TNS1: variants seen among roughly 807,000 people sequenced by gnomAD.
TNS1 encodes tensin 1, also known as tensin-1.
In TNS1, 62 loss-of-function variants were observed where a neutral mutation model predicts 168.6. That is an observed-to-expected ratio of 0.37 (90% CI 0.30 to 0.45). TNS1 has a LOEUF of 0.45. TNS1 is among the 20% of genes least tolerant of loss of function. The probability of loss-of-function intolerance (pLI) is 1.00; values close to 1 mark genes in which losing one functional copy is unlikely to be tolerated. For missense variants in TNS1, 2,240 were observed against 2,339.4 expected (o/e 0.96, Z 0.88); for synonymous variants, 934 against 933.2 (o/e 1.00, Z -0.02).
intron 28 of TNS1, among the ~76,000 whole-genome samples, chr2:217,811,971 T>A (rs1387290994): frequency 6.6e-6 from 1 of 152,096 alleles, no homozygotes; most frequent in Non-Finnish European, 1.5e-5. Context: ...CTCCTCTCCA[T>A]CCAGACCAAC....
rs1958909752 is a variant in TNS1 at position 218,032,973 on chromosome 2, TC to T, written c.156+846del. On this transcript the variant is annotated intron_variant, in intron 1 of 1. Coordinates refer to the TNS1 transcript ENST00000649572. This position sits in a 1 kb window ranked among gnomAD's most constrained non-coding sequence, Gnocchi z 4.0. ...CATCCACCTCCAGAGCCCCGGCTCCTCCCTCCATCACAGCCCCACTCCCTGT... is the reference window on the plus strand; with the variant it reads ...CATCCACCTCCAGAGCCCCGGCTCCTCCTCCATCACAGCCCCACTCCCTGT... Among the ~76,000 whole-genome samples, 1 of 151,944 alleles carries T rather than the reference TC, an allele frequency of 6.6e-6. No homozygotes were observed. The highest frequency in any genetic ancestry group is 2.4e-5 in the African/African-American group (1 of 41,356).
intron 6 of TNS1, among the ~76,000 whole-genome samples, chr2:217,904,761 T>C (rs1324163684): frequency 6.6e-6 from 1 of 152,256 alleles, no homozygotes; most frequent in East Asian, 1.9e-4. Context: ...CTAACTTCAC[T>C]GTCTCTTGCT....
chr2:217,850,675 A>C, intron 18 of TNS1: 1 of 926,398 alleles, frequency 1.1e-6, no homozygotes, highest in Non-Finnish European at 1.3e-6. Context: ...TTAGCAAGGA[A>C]AAAAGCCAGC....
intron 22 of TNS1, among the ~76,000 whole-genome samples, chr2:217,822,383 G>A (rs1943005063): frequency 6.6e-6 from 1 of 152,158 alleles, no homozygotes; most frequent in African/African-American, 2.4e-5. Context: ...CAGAGTTCAT[G>A]TGAGCTCCAC....
intron 1 of TNS1, among the ~76,000 whole-genome samples, chr2:218,031,759 G>T (rs1249181142): frequency 1.3e-5 from 2 of 152,166 alleles, no homozygotes; most frequent in African/African-American, 2.4e-5. Flanking sequence ...CCAGATCCTA[G>T]AACTTCCAAA....
chr2:218,005,990 A>T (rs1440056451), upstream of TNS1, among the ~76,000 whole-genome samples: 1 of 152,190 alleles, frequency 6.6e-6, no homozygotes, highest in Admixed American at 6.5e-5. Context: ...TGTCTCACAC[A>T]CAGCAGACAT....
At chr2:217,979,994 G>C (rs927722227) in intron 2 of TNS1, among the ~76,000 whole-genome samples, 1 of 152,114 alleles carries the variant, frequency 6.6e-6, no homozygotes, top group African/African-American at 2.4e-5. Context: ...GCAGCCCAGG[G>C]AGGCTCCGGG....
Position 217,809,180 on chromosome 2 carries a change from CATGG to C in TNS1, c.5274-513_5274-510del, listed in dbSNP as rs879608103. On this transcript the variant is annotated intron_variant, in intron 30 of 32. Transcript: ENST00000682258. ...GGATGAATAAATGCAGGGATGGAGGCATGGATGGATGGATGGATGGATGGATGGA... is the reference window on the plus strand; with the variant it reads ...GGATGAATAAATGCAGGGATGGAGGCATGGATGGATGGATGGATGGATGGA... Among the ~76,000 whole-genome samples the C allele has an allele frequency of 3.1e-4, 40 of 130,672 alleles. 12 individuals carry two copies. Among genetic ancestry groups the C allele is most frequent in the South Asian group, 9.9e-4 (4 of 4,024 alleles). 85.7% of individuals were successfully genotyped at this position (130,672 alleles called of 152,430 possible).
At position 217,817,766 on chromosome 2, in the gene TNS1, G is replaced by A. The variant is rs150357038; in HGVS notation, c.4566C>T (p.Gly1522=). 109 of 1,613,794 alleles carry A rather than the reference G, an allele frequency of 6.8e-5. 1 individual carries two copies. The highest frequency in any genetic ancestry group is 3.3e-4 in the Middle Eastern group (2 of 6,084). The change falls in exon 24 of 33, where the codon GGC becomes GGT. Residue 1522 remains glycine, a synonymous_variant. Transcript: ENST00000682258. The stretch of plus-strand genomic sequence containing the variant: ...TGCTGCCCCCACTGGGACTGGACAT[G>A]CCGCTGGCGACAGGCGAAGACACCT... ...NGKVSSPVAS[G]MSSPSGGSTV...
intron 19 of TNS1, among the ~76,000 whole-genome samples, chr2:217,845,391 G>T (rs1039182319): frequency 2.6e-5 from 4 of 151,846 alleles, no homozygotes; most frequent in Non-Finnish European, 4.4e-5. Flanking sequence ...CATTGATCTT[G>T]TCTGTCTGCC....
intron 2 of TNS1, 188 bp from the exon 3 acceptor site, chr2:217,978,990 G>A (rs1957967149): frequency 1.7e-6 from 1 of 596,236 alleles, no homozygotes; most frequent in East Asian, 2.9e-5. Context: ...CTGCGGGGCG[G>A]GAGTGCCCGG....
chr2:217,843,113 C>T (rs1052133124), intron 19 of TNS1, among the ~76,000 whole-genome samples: 3 of 148,342 alleles, frequency 2.0e-5, no homozygotes, highest in Non-Finnish European at 4.4e-5. Context: ...CAACTCATCT[C>T]CTATTTTCAG....
intron 3 of TNS1, among the ~76,000 whole-genome samples, chr2:217,923,697 G>A (rs1418284922): frequency 6.6e-6 from 1 of 152,218 alleles, no homozygotes. Context: ...CTTAGTTACT[G>A]TACCAAGCCC....
At chr2:217,826,591 C>T (rs554299588) in intron 22 of TNS1, among the ~76,000 whole-genome samples, 113 of 152,300 alleles carry the variant, frequency 7.4e-4, no homozygotes, top group Non-Finnish European at 1.3e-4. Context: ...TCAGAACCAG[C>T]CCTGCTGCTG....
intron 18 of TNS1, chr2:217,879,425 C>T (rs746115050): frequency 1.5e-5 from 7 of 453,780 alleles, no homozygotes; most frequent in East Asian, 1.4e-4. Context: ...GCTCAGCGCC[C>T]GGGGATGGAG....
intron 12 of TNS1, among the ~76,000 whole-genome samples, chr2:217,889,220 A>G (rs959200001): frequency 1.3e-5 from 2 of 152,212 alleles, no homozygotes; most frequent in Non-Finnish European, 2.9e-5. Flanking sequence ...GAGGCTGGCT[A>G]TCAACTGTTT....
intron 1 of TNS1, among the ~76,000 whole-genome samples, chr2:218,028,825 T>A (rs1402336076): frequency 6.6e-6 from 1 of 152,198 alleles, no homozygotes; most frequent in Non-Finnish European, 1.5e-5. Flanking sequence ...CAAGGGGACC[T>A]GGCCCCTAAG....
chr2:217,840,379 G>A (rs1485304641), intron 19 of TNS1, among the ~76,000 whole-genome samples: 1 of 152,222 alleles, frequency 6.6e-6, no homozygotes, highest in African/African-American at 2.4e-5. Flanking sequence ...GAATTACTGT[G>A]ACCCCAGTGA....
At position 217,886,113 on chromosome 2, in the gene TNS1, G is replaced by A; in HGVS notation, c.980-9C>T. ...GAGAAATGGCCGACATCCTGTAAAAGTGGGGTGGGTGTTAGCTAAGACAGC... is the reference window on the plus strand; with the variant it reads ...GAGAAATGGCCGACATCCTGTAAAAATGGGGTGGGTGTTAGCTAAGACAGC... On this transcript the variant is annotated splice_polypyrimidine_tract_variant and intron_variant, in intron 13 of 32. Coordinates refer to ENST00000682258, the MANE Select transcript of TNS1 (RefSeq NM_001387777.1). 6.2e-7 allele frequency: 1 copy of A among 1,613,980 alleles called. No individual in the cohort carries two copies. The highest frequency in any genetic ancestry group is 1.3e-5 in the African/African-American group (1 of 74,946).
Sources: allele counts gnomAD v4.1 joint callset (sites outside exome capture counted in the v4.1 genomes callset), GRCh38; gene constraint gnomAD v4.1.1; non-coding constraint Gnocchi (gnomAD v3.1); transcripts MANE v1.5; gene names NCBI Gene and HGNC (gene_info 2026-07-23, HGNC 2026-07-21).